RBFOX3: variants seen among roughly 807,000 people sequenced by gnomAD.
RBFOX3 encodes RNA binding protein fox-1 homolog 3.
Under a neutral mutation model 48.7 loss-of-function variants are expected in RBFOX3, and 17 were observed. The observed-to-expected ratio is 0.35, with a 90% confidence interval of 0.24 to 0.52. The LOEUF is 0.52. Ranked by LOEUF, RBFOX3 falls within the 20% of genes least tolerant of loss-of-function variation. RBFOX3 has a pLI of 0.94. For synonymous variants in RBFOX3, 212 were observed against 209.5 expected (o/e 1.01, Z -0.10); for missense variants, 382 against 497.5 (o/e 0.77, Z 2.21).
At chr17:79,097,900 C>G (rs988760482) in intron 9 of RBFOX3, 155 bp from the exon 10 acceptor site, 4 of 720,310 alleles carry the variant, frequency 5.6e-6, no homozygotes, top group Non-Finnish European at 9.7e-6. Context: ...ACTGCCCGGA[C>G]AAGTGCTGAG....
chr17:79,232,505 T>A (rs2061154665), intron 4 of RBFOX3, among the ~76,000 whole-genome samples: 1 of 152,192 alleles, frequency 6.6e-6, no homozygotes, highest in Admixed American at 6.5e-5. Context: ...TGATTTTTGA[T>A]AAGACTGCAG....
intron 4 of RBFOX3, among the ~76,000 whole-genome samples, chr17:79,230,128 C>T (rs758722582): frequency 2.6e-5 from 4 of 152,202 alleles, no homozygotes; most frequent in African/African-American, 7.2e-5. Flanking sequence ...CACAGTGACA[C>T]GCAGTGATGA....
At chr17:79,487,531 C>A (rs1029541000) in intron 1 of RBFOX3, among the ~76,000 whole-genome samples, 1 of 152,194 alleles carries the variant, frequency 6.6e-6, no homozygotes, top group Admixed American at 6.5e-5. Context: ...TGCTCACTAT[C>A]GTGCCCCAGC....
At chr17:79,665,270 A>G in the RBFOX3 span, among the ~76,000 whole-genome samples, 1 of 151,950 alleles carries the variant, frequency 6.6e-6, no homozygotes, top group Non-Finnish European at 1.5e-5. Context: ...CTTACTTGTC[A>G]TTTTCCAATA....
In RBFOX3 at chr17:79,423,091, C is replaced by T. The variant is rs1020568073; in HGVS notation, c.-175+59363G>A. 2.0e-5 allele frequency among the ~76,000 whole-genome samples: 3 copies of T among 152,324 alleles called. No homozygotes were observed. In the South Asian group the frequency reaches 6.2e-4, roughly 32 times the overall value. On this transcript the variant is annotated intron_variant, in intron 2 of 14. Transcript: ENST00000693108. The surrounding 1 kb of genome is among the most constrained non-coding windows in gnomAD (Gnocchi z 4.9). ...GCCACGAACTCCCCTCTTTCTGCCT[C>T]CAGCCCCAGTCTCCTTCCAGACTCC...
At chr17:79,435,643 CGGGCTCAGGCCCGGGCCCCT>C (rs2069278685) in intron 2 of RBFOX3, among the ~76,000 whole-genome samples, 1 of 151,078 alleles carries the variant, frequency 6.6e-6, no homozygotes. Flanking sequence ...CGTTGGTCCC[CGGGCTCAGGCCCGGGCCCCT>C]GGGCCCTCCA....
At chr17:79,576,520 A>C (rs2092866028) in intron 1 of RBFOX3, among the ~76,000 whole-genome samples, 1 of 152,016 alleles carries the variant, frequency 6.6e-6, no homozygotes, top group African/African-American at 2.4e-5. Context: ...GAGATGATGA[A>C]GAAGATGGAG....
intron 1 of RBFOX3, among the ~76,000 whole-genome samples, chr17:79,513,490 C>G (rs1000759209): frequency 3.3e-5 from 5 of 152,228 alleles, no homozygotes; most frequent in South Asian, 4.1e-4. Flanking sequence ...CATTCACCAT[C>G]AGGCACAGCT....
At chr17:79,531,561 C>T (rs2087780289) in intron 1 of RBFOX3, among the ~76,000 whole-genome samples, 1 of 152,186 alleles carries the variant, frequency 6.6e-6, no homozygotes, top group South Asian at 2.1e-4. Flanking sequence ...TCCCAGCCCA[C>T]GTCGCTGCCT....
intron 4 of RBFOX3, among the ~76,000 whole-genome samples, chr17:79,232,293 A>G (rs1269553173): frequency 6.6e-6 from 1 of 152,168 alleles, no homozygotes; most frequent in Non-Finnish European, 1.5e-5. Flanking sequence ...TAAAATTCAT[A>G]TAGAAATGTA....
At chr17:79,123,997 C>T (rs1239841198) in intron 4 of RBFOX3, among the ~76,000 whole-genome samples, 1 of 152,204 alleles carries the variant, frequency 6.6e-6, no homozygotes, top group Non-Finnish European at 1.5e-5. Context: ...ACATAGACTG[C>T]CCCCTCCCAC....
intron 1 of RBFOX3, among the ~76,000 whole-genome samples, chr17:79,558,970 A>C (rs2091982493): frequency 6.6e-6 from 1 of 152,134 alleles, no homozygotes; most frequent in African/African-American, 2.4e-5. Flanking sequence ...GGCATTGTCC[A>C]TGCCAGGTGC....
In RBFOX3 at chr17:79,481,242, G is replaced by A. The variant is rs1008881683; in HGVS notation, c.-175+1212C>T. ...GTCGGCATCATCTGCTCAGCCTACA[G>A]TGGGTCATCATGCAAAGCCTGCCTG... On this transcript the variant is annotated intron_variant, in intron 2 of 14. Transcript: ENST00000693108. The surrounding 1 kb of genome is among the most constrained non-coding windows in gnomAD (Gnocchi z 5.4). Among the ~76,000 whole-genome samples, 1 of 152,206 alleles carries A rather than the reference G, an allele frequency of 6.6e-6. No homozygotes were observed. The highest frequency in any genetic ancestry group is 2.4e-5 in the African/African-American group (1 of 41,452).
At chr17:79,227,681 A>C (rs2060479897) in intron 4 of RBFOX3, among the ~76,000 whole-genome samples, 1 of 152,166 alleles carries the variant, frequency 6.6e-6, no homozygotes, top group Non-Finnish European at 1.5e-5. Context: ...CAAGAGGCAA[A>C]AAGCAAAGTG....
At chr17:79,227,279 C>T (rs2060417969) in intron 4 of RBFOX3, among the ~76,000 whole-genome samples, 1 of 152,230 alleles carries the variant, frequency 6.6e-6, no homozygotes, top group Admixed American at 6.5e-5. Flanking sequence ...AGCCAGAGAA[C>T]ATCCACAGAG....
chr17:79,405,406 CA>C (rs1316916588), intron 2 of RBFOX3, among the ~76,000 whole-genome samples: 1 of 5,538 alleles, frequency 1.8e-4, no homozygotes, highest in Admixed American at 3.0e-3. Flanking sequence ...CATTTGTTTA[CA>C]TTTTTTTTTT....
At chr17:79,455,277 G>C (rs76309245) in intron 2 of RBFOX3, among the ~76,000 whole-genome samples, 14 of 152,186 alleles carry the variant, frequency 9.2e-5, no homozygotes, top group Non-Finnish European at 5.9e-5. Flanking sequence ...GGAGCGGAGA[G>C]GGGGAGAGGC....
chr17:79,490,424 C>T (rs991983462), intron 1 of RBFOX3, among the ~76,000 whole-genome samples: 9 of 152,244 alleles, frequency 5.9e-5, no homozygotes, highest in Admixed American at 1.3e-4. Flanking sequence ...CTGCCTGACC[C>T]GGGTTCAGTG....
chr17:79,514,983 C>T (rs1204733383), intron 1 of RBFOX3, among the ~76,000 whole-genome samples: 16 of 152,272 alleles, frequency 1.1e-4, no homozygotes, highest in African/African-American at 3.4e-4. Context: ...TCCCTAGAGC[C>T]GTCACCTCTT....
Sources: gnomAD v4.1 joint callset for allele counts (sites outside exome capture counted in the v4.1 genomes callset) on GRCh38, gnomAD v4.1.1 for gene constraint, Gnocchi (gnomAD v3.1) non-coding constraint, MANE v1.5 for transcripts, NCBI Gene and HGNC (gene_info 2026-07-23, HGNC 2026-07-21) for gene names.